CLASP2: variants seen among roughly 807,000 people sequenced by gnomAD.
The protein encoded by CLASP2 is CLIP-associating protein 2.
A neutral mutation model predicts 194.4 loss-of-function variants in CLASP2; 47 were observed. The ratio of observed to expected loss-of-function variants is 0.24; its 90% CI spans 0.19 to 0.31. The LOEUF (loss-of-function observed/expected upper bound fraction) is 0.31, where lower values mean the gene tolerates loss of function less well. Among genes scored for constraint, CLASP2 ranks in the 10% least tolerant of loss-of-function variants. CLASP2 has a pLI of 1.00. For synonymous variants in CLASP2, 619 were observed against 633.5 expected (o/e 0.98, Z 0.34); for missense variants, 1,445 against 1,823.6 (o/e 0.79, Z 3.78).
chr3:33,604,072 C>G, intron 17 of CLASP2, 82 bp downstream of exon 17: 1 of 1,019,698 alleles, frequency 9.8e-7, no homozygotes, highest in Non-Finnish European at 1.5e-6. Context: ...GATCTTTTCA[C>G]TATGGAGCAC....
At chr3:33,714,382 A>G (rs1371127937) in intron 1 of CLASP2, among the ~76,000 whole-genome samples, 1 of 152,190 alleles carries the variant, frequency 6.6e-6, no homozygotes, top group Non-Finnish European at 1.5e-5. Context: ...ACTGTCTATC[A>G]TCTCAACTTG....
chr3:33,690,194 C>T (rs1253075305), intron 2 of CLASP2, among the ~76,000 whole-genome samples: 3 of 151,816 alleles, frequency 2.0e-5, no homozygotes, highest in South Asian at 2.1e-4. Flanking sequence ...AATGTATAGA[C>T]GAGGGGACAA....
chr3:33,688,521 A>G (rs2090975974), intron 3 of CLASP2, among the ~76,000 whole-genome samples, 153 bp from the exon 4 acceptor site: 1 of 152,220 alleles, frequency 6.6e-6, no homozygotes, highest in African/African-American at 2.4e-5. Flanking sequence ...AAGTTTTTCT[A>G]AGCCAAATTA....
At chr3:33,672,260 G>A (rs1022165248) in intron 6 of CLASP2, among the ~76,000 whole-genome samples, 24 of 152,254 alleles carry the variant, frequency 1.6e-4, no homozygotes, top group East Asian at 1.9e-4. Flanking sequence ...CCAGAGGAAC[G>A]AGCTGACAGC....
In CLASP2 at chr3:33,553,500, A is replaced by G. The variant is rs73053681; in HGVS notation, c.3010-2105T>C. 5.2e-3 allele frequency among the ~76,000 whole-genome samples: 789 copies of G among 152,332 alleles called. 5 individuals are homozygous for G. The highest frequency in any genetic ancestry group is 0.031 in the Middle Eastern group (9 of 294). On this transcript the variant is annotated intron_variant, in intron 29 of 38. Transcript: ENST00000682230. ...AATATATAAGAAACTCACATGACTCAATAGCAAGAAAACAAATAAACTATT... is the reference window on the plus strand; with the variant it reads ...AATATATAAGAAACTCACATGACTCGATAGCAAGAAAACAAATAAACTATT...
At chr3:33,553,235 C>T (rs1487438475) in intron 29 of CLASP2, among the ~76,000 whole-genome samples, 1 of 152,010 alleles carries the variant, frequency 6.6e-6, no homozygotes, top group Non-Finnish European at 1.5e-5. Flanking sequence ...ACATTTTTCC[C>T]TTCCTACTTC....
Position 33,497,623 on chromosome 3 carries a change from A to C in CLASP2, c.*1008T>G, listed in dbSNP as rs1244770026. The C allele has an allele frequency of 6.6e-6, 1 of 152,604 alleles. No individual in the cohort carries two copies. Among genetic ancestry groups the C allele is most frequent in the African/African-American group, 2.4e-5 (1 of 41,444 alleles). 9.5% of individuals were successfully genotyped at this position (152,604 alleles called of 1,614,324 possible). On this transcript the variant is annotated 3_prime_UTR_variant, in exon 39 of 39. Transcript: ENST00000682230. ...TCTCTCATCAGGATCAATATTTTCA[A>C]GTAAGACAATTTCATGGTAAAAGGA...
chr3:33,505,150 G>A (rs2047790790), intron 37 of CLASP2: 2 of 152,010 alleles, frequency 1.3e-5, no homozygotes, highest in African/African-American at 4.8e-5. Flanking sequence ...ACTCCACTTA[G>A]GAAGCCACTT....
intron 2 of CLASP2, among the ~76,000 whole-genome samples, chr3:33,695,453 T>C (rs915199671): frequency 6.6e-6 from 1 of 151,824 alleles, no homozygotes; most frequent in Admixed American, 6.6e-5. Context: ...GAACCTGGTG[T>C]TGATTAAAAC....
chr3:33,630,713 G>T (rs1157564498), intron 9 of CLASP2, among the ~76,000 whole-genome samples: 1 of 152,204 alleles, frequency 6.6e-6, no homozygotes, highest in Non-Finnish European at 1.5e-5. Flanking sequence ...GAGGGTGGCA[G>T]AGAGGGCCAG....
chr3:33,555,334 A>G (rs1173111097), intron 29 of CLASP2, among the ~76,000 whole-genome samples: 2 of 151,972 alleles, frequency 1.3e-5, no homozygotes, highest in African/African-American at 2.4e-5. Context: ...CATACCGGGC[A>G]CAATTAAATT....
At chr3:33,592,710 TCAA>T (rs1560199673) in intron 20 of CLASP2, 2 of 604,794 alleles carry the variant, frequency 3.3e-6, no homozygotes, top group East Asian at 6.4e-5. Context: ...ATAAGAAGAA[TCAA>T]ACTAAAAGAT....
rs2058467782 is a variant in CLASP2, at chr3:33,542,188, C to T, written c.3404+1245G>A. ...GTCAAGAATGTCATTTGAAATCTAGCTCATGCTTGAATCATACAAGTGTGT... is the reference window on the plus strand; with the variant it reads ...GTCAAGAATGTCATTTGAAATCTAGTTCATGCTTGAATCATACAAGTGTGT... On this transcript the variant is annotated intron_variant, in intron 32 of 38. Coordinates refer to ENST00000682230, the MANE Select transcript of CLASP2 (RefSeq NM_001365631.1). Among the ~76,000 whole-genome samples the T allele has an allele frequency of 3.3e-5, 5 of 152,020 alleles. No homozygotes were observed. The South Asian group carries it at 1.0e-3, about 32-fold the overall frequency.
chr3:33,596,686 T>C (rs1333142662), intron 19 of CLASP2, 25 bp downstream of exon 19: 8 of 1,525,070 alleles, frequency 5.2e-6, no homozygotes, highest in Admixed American at 1.9e-5. Context: ...AAATCTTTAG[T>C]AGAATTAGGA....
At chr3:33,709,925 T>C (rs1000403917) in intron 1 of CLASP2, among the ~76,000 whole-genome samples, 4 of 152,194 alleles carry the variant, frequency 2.6e-5, no homozygotes, top group Admixed American at 6.5e-5. Context: ...TGTTTTATAA[T>C]TGTGATGAAG....
chr3:33,639,589 A>C (rs2080904259), intron 8 of CLASP2, among the ~76,000 whole-genome samples: 1 of 152,220 alleles, frequency 6.6e-6, no homozygotes, highest in African/African-American at 2.4e-5. Context: ...ATATAATTAC[A>C]GTAAAACACA....
rs113546712 is a variant in CLASP2, at chr3:33,633,018, G to C, written c.863-647C>G. Among the ~76,000 whole-genome samples, 596 of 152,172 alleles carry C rather than the reference G, an allele frequency of 3.9e-3. 2 individuals are homozygous for C. The highest frequency in any genetic ancestry group is 0.022 in the South Asian group (106 of 4,812). Reference sequence around the variant, plus strand: ...CTCTCCTCTTAAACTCTGGCAATAGGGGGTGTTGGAGAGAGACTGGAAGCT... The same window carrying C: ...CTCTCCTCTTAAACTCTGGCAATAGCGGGTGTTGGAGAGAGACTGGAAGCT... On this transcript the variant is annotated intron_variant, in intron 8 of 38. Coordinates refer to ENST00000682230, the MANE Select transcript of CLASP2 (RefSeq NM_001365631.1).
chr3:33,603,300 A>G (rs985138667), intron 17 of CLASP2, among the ~76,000 whole-genome samples, 175 bp from the exon 18 acceptor site: 2 of 152,024 alleles, frequency 1.3e-5, no homozygotes, highest in African/African-American at 2.4e-5. Context: ...TTTCAATCAC[A>G]ACTAAGTCTT....
intron 15 of CLASP2, among the ~76,000 whole-genome samples, chr3:33,607,076 A>G (rs563530214): frequency 6.6e-6 from 1 of 152,348 alleles, no homozygotes; most frequent in African/African-American, 2.4e-5. Flanking sequence ...GGATTAGAAA[A>G]TAACATATAA....
Sources: allele counts gnomAD v4.1 joint callset (sites outside exome capture counted in the v4.1 genomes callset), GRCh38; gene constraint gnomAD v4.1.1; transcripts MANE v1.5; gene names NCBI Gene and HGNC (gene_info 2026-07-23, HGNC 2026-07-21).